Variants in MAGI2 observed in about 807,000 individuals in gnomAD.
The protein encoded by MAGI2 is membrane associated guanylate kinase, WW and PDZ domain containing 2, also known as membrane-associated guanylate kinase, WW and PDZ domain-containing protein 2.
In MAGI2, 35 loss-of-function variants were observed where a neutral mutation model predicts 133.3. The observed-to-expected ratio is 0.26, with a 90% CI of 0.20 to 0.35. The LOEUF (loss-of-function observed/expected upper bound fraction) is 0.35, where lower values mean the gene tolerates loss of function less well. Among genes scored for constraint, MAGI2 ranks in the 10% least tolerant of loss-of-function variants. The pLI is 1.00. For missense variants in MAGI2, 1,636 were observed against 1,863.4 expected (o/e 0.88, Z 2.25); for synonymous variants, 729 against 710.6 (o/e 1.03, Z -0.41).
intron 1 of MAGI2, among the ~76,000 whole-genome samples, chr7:79,400,784 G>C (rs1563189307): frequency 6.6e-6 from 1 of 152,010 alleles, no homozygotes; most frequent in Non-Finnish European, 1.5e-5. Context: ...CTATAGTTAT[G>C]TGGTATGTCC....
intron 2 of MAGI2, among the ~76,000 whole-genome samples, chr7:78,812,850 A>G (rs1382338429): frequency 6.6e-6 from 1 of 152,210 alleles, no homozygotes; most frequent in African/African-American, 2.4e-5. Context: ...TTTAGGAACA[A>G]ATCATGCTAG....
intron 1 of MAGI2, among the ~76,000 whole-genome samples, chr7:79,096,479 G>C (rs1449390552): frequency 6.6e-6 from 1 of 152,044 alleles, no homozygotes; most frequent in Non-Finnish European, 1.5e-5. Context: ...GCCTAATCCT[G>C]CCTACAACTT....
In MAGI2 at chr7:79,121,149, T is replaced by A. The variant is rs181282305; in HGVS notation, c.302-113943A>T. ...GGGAGTAAAAGAACCAATAAAATAG[T>A]TTATTAAATACTAGCTAATAAGCTA... On this transcript the variant is annotated intron_variant, in intron 1 of 21. Coordinates refer to ENST00000354212, the MANE Select transcript of MAGI2 (RefSeq NM_012301.4). Among the ~76,000 whole-genome samples the A allele has an allele frequency of 3.5e-3, 529 of 152,196 alleles. 6 individuals are homozygous for A. The highest frequency in any genetic ancestry group is 6.8e-3 in the Middle Eastern group (2 of 294).
chr7:79,014,347 C>T (rs1241700525), intron 1 of MAGI2, among the ~76,000 whole-genome samples: 1 of 152,076 alleles, frequency 6.6e-6, no homozygotes, highest in Non-Finnish European at 1.5e-5. Flanking sequence ...GTTCTCAGTA[C>T]ATGCCAGGCA....
intron 1 of MAGI2, among the ~76,000 whole-genome samples, chr7:79,289,579 T>A (rs567460918): frequency 6.6e-6 from 1 of 152,136 alleles, no homozygotes; most frequent in Non-Finnish European, 1.5e-5. Context: ...TGAATATAGA[T>A]CACCTAGTTT....
intron 10 of MAGI2, among the ~76,000 whole-genome samples, chr7:78,226,864 C>T (rs1443139015): frequency 6.6e-6 from 1 of 152,162 alleles, no homozygotes; most frequent in Non-Finnish European, 1.5e-5. Context: ...TGGACATTTG[C>T]ACAACAAGGC....
intron 9 of MAGI2, among the ~76,000 whole-genome samples, chr7:78,285,089 G>A (rs566735543): frequency 8.1e-4 from 123 of 152,184 alleles, no homozygotes; most frequent in Admixed American, 1.3e-3. Context: ...CAGCTTTTAT[G>A]AGCCAGGGCA....
chr7:79,342,510 C>CT (rs1163024615), intron 1 of MAGI2, among the ~76,000 whole-genome samples: 1 of 152,118 alleles, frequency 6.6e-6, no homozygotes, highest in East Asian at 1.9e-4. Context: ...GATTTAGATG[C>CT]TTTTTTATTA....
At chr7:78,847,117 CCTT>C (rs1327687714) in intron 2 of MAGI2, among the ~76,000 whole-genome samples, 3 of 151,888 alleles carry the variant, frequency 2.0e-5, no homozygotes, top group African/African-American at 7.2e-5. Context: ...TGGTAACTCT[CCTT>C]ATAATTATCT....
At chr7:78,854,995 G>A (rs1414032532) in intron 2 of MAGI2, among the ~76,000 whole-genome samples, 8 of 151,076 alleles carry the variant, frequency 5.3e-5, no homozygotes, top group Non-Finnish European at 1.0e-4. Flanking sequence ...TGAGATTACA[G>A]GCGCTTACCA....
intron 6 of MAGI2, among the ~76,000 whole-genome samples, chr7:78,382,977 T>C (rs531707961): frequency 1.1e-4 from 17 of 152,250 alleles, no homozygotes; most frequent in Admixed American, 2.0e-4. Context: ...TTCTACTGTG[T>C]ATATATACCA....
At chr7:78,573,333 A>G (rs1186287025) in intron 3 of MAGI2, among the ~76,000 whole-genome samples, 1 of 56,588 alleles carries the variant, frequency 1.8e-5, no homozygotes, top group African/African-American at 9.4e-5. Context: ...TATATATATA[A>G]ATATATATAT....
At chr7:79,104,372 A>G (rs1037845375) in intron 1 of MAGI2, among the ~76,000 whole-genome samples, 1 of 152,138 alleles carries the variant, frequency 6.6e-6, no homozygotes, top group Non-Finnish European at 1.5e-5. Flanking sequence ...TTGTTTAAAT[A>G]AAAAACAATT....
chr7:79,162,353 C>T, intron 1 of MAGI2, among the ~76,000 whole-genome samples: 1 of 152,042 alleles, frequency 6.6e-6, no homozygotes, highest in East Asian at 1.9e-4. Flanking sequence ...CCTTATTTGG[C>T]ATCCCACTGG....
At chr7:78,297,399 A>AGTT (rs1382080166) in intron 9 of MAGI2, among the ~76,000 whole-genome samples, 2 of 152,092 alleles carry the variant, frequency 1.3e-5, no homozygotes, top group African/African-American at 4.8e-5. Flanking sequence ...AACTAGTTCA[A>AGTT]CCATTGTGGA....
At chr7:79,375,259 TC>T (rs764249518) in intron 1 of MAGI2, among the ~76,000 whole-genome samples, 11 of 151,966 alleles carry the variant, frequency 7.2e-5, no homozygotes, top group Admixed American at 6.6e-5. Context: ...TACAGTCCCA[TC>T]AGAAAGATTT....
intron 2 of MAGI2, among the ~76,000 whole-genome samples, chr7:78,706,157 A>G (rs1351756235): frequency 6.6e-6 from 1 of 151,960 alleles, no homozygotes; most frequent in Non-Finnish European, 1.5e-5. Context: ...TCCCCCCCCA[A>G]ATCTCAACTT....
At chr7:79,431,666 G>T (rs1016654773) in intron 1 of MAGI2, among the ~76,000 whole-genome samples, 40 of 152,152 alleles carry the variant, frequency 2.6e-4, no homozygotes, top group African/African-American at 8.9e-4. Flanking sequence ...ATCTTTCTAA[G>T]ATGGGAAGAA....
At chr7:79,034,788 A>G (rs1204678106) in intron 1 of MAGI2, among the ~76,000 whole-genome samples, 1 of 149,726 alleles carries the variant, frequency 6.7e-6, no homozygotes, top group Admixed American at 6.7e-5. Flanking sequence ...GTCCTTCGTC[A>G]AGGTAGAAAT....
Sources: gnomAD v4.1 joint callset for allele counts (sites outside exome capture counted in the v4.1 genomes callset) on GRCh38, gnomAD v4.1.1 for gene constraint, MANE v1.5 for transcripts, NCBI Gene and HGNC (gene_info 2026-07-23, HGNC 2026-07-21) for gene names.